The following GTF2A1L variants were observed in gnomAD, a reference collection of about 807,000 sequenced individuals.
GTF2A1L encodes the protein general transcription factor IIA subunit 1 like, also known as TFIIA-alpha and beta-like factor.
In GTF2A1L, 48 loss-of-function variants were observed where a neutral mutation model predicts 49.7. The observed-to-expected ratio is 0.97, with a 90% CI of 0.77 to 1.23. The LOEUF (loss-of-function observed/expected upper bound fraction) is 1.23, where lower values mean the gene tolerates loss of function less well. Ranked by LOEUF, GTF2A1L falls within the 50% of genes most tolerant of loss-of-function variation. GTF2A1L has a pLI of 0.00. For missense variants in GTF2A1L, 736 were observed against 564.8 expected (o/e 1.30, Z -3.07); for synonymous variants, 246 against 193.5 (o/e 1.27, Z -2.25).
chr2:48,643,584 T>A (rs144785256), intron 4 of GTF2A1L, among the ~76,000 whole-genome samples: 1 of 152,222 alleles, frequency 6.6e-6, no homozygotes, highest in East Asian at 1.9e-4. Context: ...AGTAATAAGC[T>A]TGTATTAATA....
chr2:48,644,409 G>A (rs760070869), intron 4 of GTF2A1L, among the ~76,000 whole-genome samples: 5 of 152,082 alleles, frequency 3.3e-5, no homozygotes, highest in African/African-American at 1.2e-4. Flanking sequence ...ATTGACCTTC[G>A]TGGATGCAGC....
At chr2:48,645,881 C>G (rs1017104799) in intron 5 of GTF2A1L, among the ~76,000 whole-genome samples, 2 of 151,744 alleles carry the variant, frequency 1.3e-5, no homozygotes, top group Non-Finnish European at 2.9e-5. Context: ...ATCTCCTGAC[C>G]TCGTGATCCA....
chr2:48,640,514 A>G (rs991987973), intron 3 of GTF2A1L, among the ~76,000 whole-genome samples: 4 of 151,444 alleles, frequency 2.6e-5, no homozygotes, highest in African/African-American at 9.7e-5. Context: ...AACAACAGAC[A>G]CTGGGTCTAC....
At chr2:48,668,341 C>T (rs142849336) in intron 6 of GTF2A1L, among the ~76,000 whole-genome samples, 2 of 152,258 alleles carry the variant, frequency 1.3e-5, no homozygotes, top group Admixed American at 1.3e-4. Flanking sequence ...ATTATAGCAT[C>T]TGGAGCTTTC....
chr2:48,631,640 G>A (rs1676583614), intron 3 of GTF2A1L, among the ~76,000 whole-genome samples: 1 of 151,850 alleles, frequency 6.6e-6, no homozygotes, highest in East Asian at 1.9e-4. Context: ...TTCTTTGTAT[G>A]GATTTTTGGG....
intron 6 of GTF2A1L, among the ~76,000 whole-genome samples, chr2:48,650,117 G>A (rs1677762328): frequency 6.6e-6 from 1 of 152,222 alleles, no homozygotes; most frequent in East Asian, 1.9e-4. Context: ...CTGTCATAAT[G>A]TAGTTCAAAG....
At chr2:48,643,593 T>A (rs1677324487) in intron 4 of GTF2A1L, among the ~76,000 whole-genome samples, 1 of 151,530 alleles carries the variant, frequency 6.6e-6, no homozygotes, top group African/African-American at 2.4e-5. Context: ...CTTGTATTAA[T>A]AAAAAGTAAA....
At chr2:48,655,172 T>C (rs1489587182) in intron 6 of GTF2A1L, among the ~76,000 whole-genome samples, 5 of 152,002 alleles carry the variant, frequency 3.3e-5, no homozygotes, top group Non-Finnish European at 7.4e-5. Flanking sequence ...CTGTTACTAA[T>C]ATTTTCTAGT....
intron 7 of GTF2A1L, 89 bp from the exon 8 acceptor site, chr2:48,671,502 A>G: frequency 1.4e-6 from 2 of 1,391,164 alleles, no homozygotes; most frequent in Admixed American, 2.1e-5. Flanking sequence ...CCACGCCGAG[A>G]CAAGTTCCTT....
At chr2:48,659,948 C>G (rs901234120) in intron 6 of GTF2A1L, among the ~76,000 whole-genome samples, 14 of 152,124 alleles carry the variant, frequency 9.2e-5, no homozygotes, top group African/African-American at 3.4e-4. Flanking sequence ...TTTAGTTTTT[C>G]CTAATTTTGA....
chr2:48,652,911 G>A (rs1442845417), intron 6 of GTF2A1L, among the ~76,000 whole-genome samples: 1 of 151,448 alleles, frequency 6.6e-6, no homozygotes, highest in Non-Finnish European at 1.5e-5. Context: ...GGCCAGGCTG[G>A]ACTCGAACTA....
At chr2:48,663,427 C>A (rs1422010188) in intron 6 of GTF2A1L, among the ~76,000 whole-genome samples, 1 of 151,962 alleles carries the variant, frequency 6.6e-6, no homozygotes, top group Non-Finnish European at 1.5e-5. Context: ...CAGAGTGAGA[C>A]CCTATCTCAA....
At chr2:48,648,555 T>C (rs1677664482) in intron 6 of GTF2A1L, among the ~76,000 whole-genome samples, 1 of 152,078 alleles carries the variant, frequency 6.6e-6, no homozygotes, top group Non-Finnish European at 1.5e-5. Flanking sequence ...CCACAGTAGG[T>C]TCAAATTCTA....
chr2:48,626,042 T>C (rs1021195097), intron 3 of GTF2A1L, among the ~76,000 whole-genome samples: 6 of 144,448 alleles, frequency 4.2e-5, no homozygotes, highest in African/African-American at 7.4e-5. Context: ...TTGATTTTTA[T>C]GTATGGTATG....
At chr2:48,667,038 A>T (rs1678884173) in intron 6 of GTF2A1L, among the ~76,000 whole-genome samples, 1 of 151,732 alleles carries the variant, frequency 6.6e-6, no homozygotes, top group Admixed American at 6.6e-5. Flanking sequence ...ATCACAGCTC[A>T]CTGCAGCCTC....
intron 3 of GTF2A1L, among the ~76,000 whole-genome samples, chr2:48,633,907 G>A (rs1009316584): frequency 1.3e-5 from 2 of 151,674 alleles, no homozygotes; most frequent in Non-Finnish European, 2.9e-5. Context: ...GTTTTTTATT[G>A]TTGGTTTAAA....
chr2:48,646,732 A>G lies in GTF2A1L; in HGVS notation c.668A>G (p.Asn223Ser), dbSNP rs779707483. ...AGTGATATACTTGTATCTCCTGGAA[A>G]TGAGCATAAAATCGTGCCTGAAGCT... Reference protein sequence around the residue: ...ATSDILVSPGNEHKIVPEALL... With the variant: ...ATSDILVSPGSEHKIVPEALL... The change falls in exon 6 of 9, where the codon AAT (asparagine) becomes AGT (serine). Residue 223 changes from asparagine (N) to serine (S), a missense_variant. Asn to Ser is a conservative substitution (Grantham distance 46). Coordinates refer to ENST00000403751, the MANE Select transcript of GTF2A1L (RefSeq NM_006872.5). The G allele has an allele frequency of 1.3e-5, 21 of 1,614,102 alleles. No individual in the cohort carries two copies. The highest frequency in any genetic ancestry group is 1.7e-5 in the Non-Finnish European group (20 of 1,180,050).
At chr2:48,656,910 A>T (rs955004854) in intron 6 of GTF2A1L, among the ~76,000 whole-genome samples, 1 of 152,020 alleles carries the variant, frequency 6.6e-6, no homozygotes, top group African/African-American at 2.4e-5. Flanking sequence ...ATTATTTTCA[A>T]TGTGGTGCTA....
intron 6 of GTF2A1L, among the ~76,000 whole-genome samples, chr2:48,663,389 T>C (rs6714923): frequency 1.9e-3 from 283 of 152,194 alleles, no homozygotes; most frequent in African/African-American, 6.7e-3. Flanking sequence ...TAAACTGAGA[T>C]TGGACCACTG....
Sources: gnomAD v4.1 joint callset for allele counts (sites outside exome capture counted in the v4.1 genomes callset) on GRCh38, gnomAD v4.1.1 for gene constraint, MANE v1.5 for transcripts, NCBI Gene and HGNC (gene_info 2026-07-23, HGNC 2026-07-21) for gene names.